Variants in EIF2AK3 observed in about 807,000 individuals in gnomAD.
The protein encoded by EIF2AK3 is eukaryotic translation initiation factor 2 alpha kinase 3, also known as eukaryotic translation initiation factor 2-alpha kinase 3.
In EIF2AK3, 50 loss-of-function variants were observed where a neutral mutation model predicts 113.5. The observed-to-expected ratio is 0.44, with a 90% CI of 0.35 to 0.56. EIF2AK3 has a LOEUF of 0.56. EIF2AK3 is among the 20% of genes least tolerant of loss of function. The pLI, the probability that EIF2AK3 is intolerant of heterozygous loss-of-function variation, is 0.00. For synonymous variants in EIF2AK3, 448 were observed against 495.4 expected (o/e 0.90, Z 1.27); for missense variants, 1,185 against 1,378.0 (o/e 0.86, Z 2.22).
chr2:88,569,057 A>G (rs1674219066), intron 14 of EIF2AK3, among the ~76,000 whole-genome samples: 1 of 152,124 alleles, frequency 6.6e-6, no homozygotes, highest in Non-Finnish European at 1.5e-5. Context: ...TGCCCAGCTA[A>G]TTTTTGTGTT....
rs147298435 is a variant in EIF2AK3, at chr2:88,593,295, G to T, written c.744C>A (p.Val248=). ...LQRTQKTVRA[V]GPRSGNEKWN... The stretch of plus-strand genomic sequence containing the variant: ...ACTTCTCATTGCCACTGCGAGGTCC[G>T]ACAGCTCTAACAGTTTTTTGGGTAC... Residue 248 remains valine, a synonymous_variant, in exon 4 of 17, where the codon GTC becomes GTA. Coordinates refer to ENST00000303236, the MANE Select transcript of EIF2AK3 (RefSeq NM_004836.7). 5.6e-6 allele frequency: 9 copies of T among 1,613,860 alleles called. No homozygotes were observed. Among genetic ancestry groups the T allele is most frequent in the Non-Finnish European group, 7.6e-6 (9 of 1,179,972 alleles).
Position 88,590,433 on chromosome 2 carries a change from A to G in EIF2AK3, c.1165+10T>C, listed in dbSNP as rs745614562. On this transcript the variant is annotated intron_variant, in intron 6 of 16. Transcript: ENST00000303236. ...TGTGTACTATCGTTAGATAAGATACATTTACTCACCCAAGTAAACACTGTT... is the reference window on the plus strand; with the variant it reads ...TGTGTACTATCGTTAGATAAGATACGTTTACTCACCCAAGTAAACACTGTT... The G allele has an allele frequency of 3.7e-6, 6 of 1,613,266 alleles. No individual in the cohort carries two copies. The highest frequency in any genetic ancestry group is 5.1e-6 in the Non-Finnish European group (6 of 1,179,466).
chr2:88,557,716 G>T lies in EIF2AK3; in HGVS notation c.*20C>A, dbSNP rs1673818145. On this transcript the variant is annotated 3_prime_UTR_variant, in exon 17 of 17. Transcript: ENST00000303236. ...GCTATTATCTGCATCACCTATTAGG[G>T]TTGCTAGCACAACTTAAGGCTAATT... 6.2e-7 allele frequency: 1 copy of T among 1,612,842 alleles called. No homozygotes were observed. Among genetic ancestry groups the T allele is most frequent in the Admixed American group, 1.7e-5 (1 of 60,018 alleles).
At chr2:88,625,284 T>TACACACACACACACAC (rs375827301) in intron 1 of EIF2AK3, among the ~76,000 whole-genome samples, 1 of 135,146 alleles carries the variant, frequency 7.4e-6, no homozygotes, top group African/African-American at 2.6e-5. Context: ...ATCGCTTACG[T>TACACACACACACACAC]ACACACACAC....
At chr2:88,557,968 C>T (rs190054983) in intron 16 of EIF2AK3, 32 bp from the exon 17 acceptor site, 442 of 1,604,692 alleles carry the variant, frequency 2.8e-4, no homozygotes, top group Admixed American at 5.5e-4. Context: ...TGTGATAAAA[C>T]GGCCAGGTTT....
At chr2:88,585,792 TAGG>T (rs762089975) in intron 9 of EIF2AK3, 46 bp downstream of exon 9, 140 of 1,572,850 alleles carry the variant, frequency 8.9e-5, no homozygotes, top group Admixed American at 6.8e-4. Flanking sequence ...GAGAAGCAAA[TAGG>T]AGGTGGGGAA....
intron 4 of EIF2AK3, among the ~76,000 whole-genome samples, chr2:88,592,877 TTAA>T (rs2104441684): frequency 6.6e-6 from 1 of 152,232 alleles, no homozygotes; most frequent in African/African-American, 2.4e-5. Context: ...TCAGAATTTG[TTAA>T]TAACCATGAA....
chr2:88,559,189 A>G (rs1359104881), intron 15 of EIF2AK3, among the ~76,000 whole-genome samples: 1 of 152,224 alleles, frequency 6.6e-6, no homozygotes, highest in Non-Finnish European at 1.5e-5. Flanking sequence ...CTGGTCTTCC[A>G]CATCCACAGA....
At chr2:88,559,075 A>C (rs1673869594) in intron 15 of EIF2AK3, 96 bp from the exon 16 acceptor site, 6 of 787,482 alleles carry the variant, frequency 7.6e-6, no homozygotes, top group Non-Finnish European at 1.2e-5. Flanking sequence ...GAGGTTGTAC[A>C]TCTATCAAAT....
At chr2:88,575,609 A>G (rs1674438224) in intron 12 of EIF2AK3, 163 bp from the exon 13 acceptor site, 1 of 752,318 alleles carries the variant, frequency 1.3e-6, no homozygotes, top group African/African-American at 1.7e-5. Context: ...TGAGATACAG[A>G]ACATCACATT....
chr2:88,620,992 T>C (rs919504832), intron 1 of EIF2AK3, among the ~76,000 whole-genome samples: 1 of 152,212 alleles, frequency 6.6e-6, no homozygotes, highest in Admixed American at 6.5e-5. Context: ...GCTGAGAAGA[T>C]GGGAAAAGAT....
chr2:88,599,753 ACCTCTTTT>A (rs1195043595), intron 2 of EIF2AK3, among the ~76,000 whole-genome samples: 21 of 152,026 alleles, frequency 1.4e-4, no homozygotes, highest in African/African-American at 4.6e-4. Context: ...TCCATTAAAA[ACCTCTTTT>A]CCTCTAAAGC....
intron 14 of EIF2AK3, among the ~76,000 whole-genome samples, chr2:88,570,113 A>G (rs1373738022): frequency 6.6e-6 from 1 of 151,982 alleles, no homozygotes; most frequent in Non-Finnish European, 1.5e-5. Context: ...GATAGGTTTC[A>G]TTGTTATTTA....
intron 3 of EIF2AK3, among the ~76,000 whole-genome samples, chr2:88,593,654 T>C (rs1187539487): frequency 6.6e-6 from 1 of 152,206 alleles, no homozygotes; most frequent in African/African-American, 2.4e-5. Flanking sequence ...TAGCCTTACT[T>C]TGGAGATTTC....
intron 1 of EIF2AK3, 92 bp downstream of exon 1, chr2:88,626,875 G>T (rs1016980631): frequency 3.3e-6 from 5 of 1,518,574 alleles, no homozygotes; most frequent in Non-Finnish European, 4.4e-6. Flanking sequence ...GAAGACGCCC[G>T]CCCGGGTCCC....
chr2:88,560,535 T>G (rs1673921688), intron 15 of EIF2AK3, among the ~76,000 whole-genome samples: 1 of 152,200 alleles, frequency 6.6e-6, no homozygotes, highest in Non-Finnish European at 1.5e-5. Context: ...TGCCTCAAGC[T>G]TCCCACGTAG....
Position 88,560,747 on chromosome 2 carries a change from T to G in EIF2AK3, c.3087+1542A>C, listed in dbSNP as rs1447343560. On this transcript the variant is annotated intron_variant, in intron 15 of 16. Coordinates refer to ENST00000303236, the MANE Select transcript of EIF2AK3 (RefSeq NM_004836.7). ...TTCTGAAAATGGTTATTTTGACTGT[T>G]TTTTTTTTTTTTTCATTCATTGTAC... Among the ~76,000 whole-genome samples the G allele has an allele frequency of 9.8e-3, 1,461 of 149,220 alleles. 32 individuals are homozygous for G. The highest frequency in any genetic ancestry group is 0.033 in the African/African-American group (1,324 of 40,676).
At chr2:88,562,860 G>A (rs1357218425) in intron 14 of EIF2AK3, among the ~76,000 whole-genome samples, 5 of 152,008 alleles carry the variant, frequency 3.3e-5, no homozygotes, top group South Asian at 2.1e-4. Flanking sequence ...ACTTAATTAC[G>A]GATACTTTGC....
chr2:88,588,108 A>G lies in EIF2AK3; in HGVS notation c.1307-4T>C. The G allele has an allele frequency of 6.8e-7, 1 of 1,460,872 alleles. No homozygotes were observed. The highest frequency in any genetic ancestry group is 9.5e-7 in the Non-Finnish European group (1 of 1,054,764). The allele number at this position is 1,460,872 out of a possible 1,614,324, so 90.5% of individuals were successfully genotyped here. ...ACAGGAGTTCTGGAAGGAGAATCTA[A>G]AAGAAAATTATTATTTTCTTAATAA... On this transcript the variant is annotated splice_region_variant and splice_polypyrimidine_tract_variant and intron_variant, in intron 7 of 16. Transcript: ENST00000303236.
Sources: allele counts gnomAD v4.1 joint callset (sites outside exome capture counted in the v4.1 genomes callset), GRCh38; gene constraint gnomAD v4.1.1; transcripts MANE v1.5; gene names NCBI Gene and HGNC (gene_info 2026-07-23, HGNC 2026-07-21).